IARS2: variants seen among roughly 807,000 people sequenced by gnomAD.
IARS2 encodes isoleucyl-tRNA synthetase 2, mitochondrial, also known as isoleucine--tRNA ligase, mitochondrial.
In IARS2, 56 loss-of-function variants were observed where a neutral mutation model predicts 126.3. The observed-to-expected ratio is 0.44, with a 90% CI of 0.36 to 0.55. The LOEUF is 0.55. Among genes scored for constraint, IARS2 ranks in the 20% least tolerant of loss-of-function variants. The probability of loss-of-function intolerance (pLI) is 0.00; values close to 1 mark genes in which losing one functional copy is unlikely to be tolerated. For synonymous variants in IARS2, 407 were observed against 441.1 expected (o/e 0.92, Z 0.97); for missense variants, 1,127 against 1,245.9 (o/e 0.90, Z 1.44).
intron 1 of IARS2, 87 bp from the exon 2 acceptor site, chr1:220,096,017 A>G: frequency 1.4e-6 from 1 of 718,110 alleles, no homozygotes; most frequent in Admixed American, 2.7e-5. Context: ...TGGAATGGAA[A>G]TAAGCAAGTG....
rs1245589098 is a variant in IARS2, at chr1:220,126,752, T to C, written c.1746T>C (p.Val582=). 6.2e-7 allele frequency: 1 copy of C among 1,611,746 alleles called. No homozygotes were observed. The highest frequency in any genetic ancestry group is 8.5e-7 in the Non-Finnish European group (1 of 1,178,574). ...QLLPKEVLSE[V]GGPDALEYVP... ...ATGCTTTTGCATTATCTTACTAGGT[T>C]GGTGGCCCTGATGCCTTGGAATATG... is the stretch of plus-strand genomic sequence containing the variant. The change falls in exon 14 of 23, where the codon GTT becomes GTC. Residue 582 remains valine, a splice_region_variant and synonymous_variant. Transcript: ENST00000366922.
chr1:220,094,649 A>G (rs1322981027), intron 1 of IARS2, among the ~76,000 whole-genome samples, 166 bp downstream of exon 1: 1 of 152,194 alleles, frequency 6.6e-6, no homozygotes, highest in Admixed American at 6.5e-5. Flanking sequence ...GTGGGCTGAA[A>G]ACCTAAGTGA....
intron 12 of IARS2, among the ~76,000 whole-genome samples, chr1:220,116,216 C>T (rs1012748063): frequency 2.6e-5 from 4 of 152,048 alleles, no homozygotes; most frequent in Admixed American, 6.6e-5. Context: ...CTCTTCAGAA[C>T]GAAACAAAAC....
intron 11 of IARS2, among the ~76,000 whole-genome samples, chr1:220,112,610 G>C (rs1656831539): frequency 7.0e-6 from 1 of 143,808 alleles, no homozygotes; most frequent in Non-Finnish European, 1.5e-5. Flanking sequence ...CCAGGCTGGA[G>C]TGCAGTGGTG....
intron 12 of IARS2, among the ~76,000 whole-genome samples, chr1:220,115,105 A>G (rs1290990595): frequency 6.6e-6 from 1 of 152,178 alleles, no homozygotes; most frequent in Non-Finnish European, 1.5e-5. Context: ...TCCAGAAAAA[A>G]TGAATTCTTC....
At chr1:220,134,342 T>C (rs575989170) in intron 14 of IARS2, 60 bp from the exon 15 acceptor site, 1 of 1,192,604 alleles carries the variant, frequency 8.4e-7, no homozygotes, top group African/African-American at 1.6e-5. Context: ...GTATCTTCTT[T>C]TTCTATTTTA....
chr1:220,110,781 TA>T lies in IARS2; in HGVS notation c.1328-2del. ...ATGTCTAATTTGGTGTTTTTTTTTT[TA>T]AAGTTATAAAGATGCTTCAGACTGC... On this transcript the variant is annotated splice_polypyrimidine_tract_variant and splice_region_variant and intron_variant, in intron 10 of 22. Transcript: ENST00000366922. 6.4e-6 allele frequency: 10 copies of T among 1,564,628 alleles called. No homozygotes were observed. Among genetic ancestry groups the T allele is most frequent in the Admixed American group, 2.0e-5 (1 of 51,186 alleles).
intron 14 of IARS2, among the ~76,000 whole-genome samples, chr1:220,132,648 C>T (rs1657293277): frequency 2.0e-5 from 3 of 151,450 alleles, no homozygotes; most frequent in Admixed American, 1.3e-4. Flanking sequence ...CCTCATTCCT[C>T]CCAAGTAGCT....
intron 2 of IARS2, among the ~76,000 whole-genome samples, chr1:220,099,764 A>G (rs1337927503): frequency 3.3e-5 from 5 of 152,208 alleles, no homozygotes; most frequent in Non-Finnish European, 7.4e-5. Context: ...ACCCAGAGTA[A>G]AGTGAACCAA....
At chr1:220,102,020 G>A in intron 3 of IARS2, 109 bp from the exon 4 acceptor site, 1 of 1,051,100 alleles carries the variant, frequency 9.5e-7, no homozygotes, top group Non-Finnish European at 1.4e-6. Context: ...AAAAAAATTT[G>A]CATTCTAAAC....
intron 2 of IARS2, 33 bp from the exon 3 acceptor site, chr1:220,100,457 G>A (rs1656548065): frequency 6.6e-7 from 1 of 1,514,500 alleles, no homozygotes. Flanking sequence ...AATATTTTAT[G>A]TATGAATGAT....
At position 220,136,922 on chromosome 1, in the gene IARS2, C is replaced by G; in HGVS notation, c.2049+11C>G. 1 of 1,512,224 alleles carries G rather than the reference C, an allele frequency of 6.6e-7. No individual in the cohort carries two copies. Among genetic ancestry groups the G allele is most frequent in the Non-Finnish European group, 9.2e-7 (1 of 1,092,432 alleles). 93.7% of individuals were successfully genotyped at this position (1,512,224 alleles called of 1,614,324 possible). On this transcript the variant is annotated intron_variant, in intron 16 of 22. Coordinates refer to ENST00000366922, the MANE Select transcript of IARS2 (RefSeq NM_018060.4). ...GTTAATGGAGGACAAGTAGGTGATT[C>G]TCTAAAATGTATTTTATTTTCGTTT...
At chr1:220,108,680 C>T (rs538169068) in intron 10 of IARS2, among the ~76,000 whole-genome samples, 80 of 151,348 alleles carry the variant, frequency 5.3e-4, no homozygotes, top group Non-Finnish European at 9.9e-4. Context: ...CCACCGCACC[C>T]GGCCTATTTT....
chr1:220,138,410 G>T (rs1042853052), intron 17 of IARS2, among the ~76,000 whole-genome samples: 1 of 152,180 alleles, frequency 6.6e-6, no homozygotes, highest in Non-Finnish European at 1.5e-5. Context: ...GGCGGAGGTT[G>T]CAGTGAGCCG....
At chr1:220,144,251 T>C (rs954101152) in intron 21 of IARS2, 3 of 767,256 alleles carry the variant, frequency 3.9e-6, no homozygotes, top group Admixed American at 1.7e-5. Context: ...AACAGGATGA[T>C]GACTTTGGAG....
chr1:220,138,056 A>G lies in IARS2; in HGVS notation c.2175+13A>G, dbSNP rs1258414237. 5 of 1,611,946 alleles carry G rather than the reference A, an allele frequency of 3.1e-6. No individual in the cohort carries two copies. In the Admixed American group the frequency reaches 5.0e-5, roughly 16 times the overall value. On this transcript the variant is annotated intron_variant, in intron 17 of 22. Coordinates refer to ENST00000366922, the MANE Select transcript of IARS2 (RefSeq NM_018060.4). ...TGATATTAGCAAGGTTAGAACTATT[A>G]TTCTTCCTATTTCTAAAGGACAAGT... is the stretch of plus-strand genomic sequence containing the variant.
intron 10 of IARS2, among the ~76,000 whole-genome samples, chr1:220,110,188 G>T (rs1417391460): frequency 6.6e-6 from 1 of 151,934 alleles, no homozygotes; most frequent in African/African-American, 2.4e-5. Flanking sequence ...CTCCCAAGTA[G>T]CTGGGATTAC....
At chr1:220,132,235 C>G (rs1657285332) in intron 14 of IARS2, among the ~76,000 whole-genome samples, 1 of 152,160 alleles carries the variant, frequency 6.6e-6, no homozygotes, top group African/African-American at 2.4e-5. Flanking sequence ...CTCTTCGATG[C>G]TCTGGAGTAG....
At chr1:220,102,021 C>A in intron 3 of IARS2, 108 bp from the exon 4 acceptor site, 2 of 1,064,402 alleles carry the variant, frequency 1.9e-6, no homozygotes, top group Non-Finnish European at 2.8e-6. Context: ...AAAAAATTTG[C>A]ATTCTAAACT....
Sources: allele counts gnomAD v4.1 joint callset (sites outside exome capture counted in the v4.1 genomes callset), GRCh38; gene constraint gnomAD v4.1.1; transcripts MANE v1.5; gene names NCBI Gene and HGNC (gene_info 2026-07-23, HGNC 2026-07-21).